Variants in SVOPL observed in about 807,000 individuals in gnomAD.
SVOPL encodes the protein putative transporter SVOPL.
Under a neutral mutation model 61.0 loss-of-function variants are expected in SVOPL, and 60 were observed. That is an observed-to-expected ratio of 0.98 (90% CI 0.80 to 1.22). The LOEUF is 1.22. Ranked by LOEUF, SVOPL falls within the 50% of genes most tolerant of loss-of-function variation. The pLI, the probability that SVOPL is intolerant of heterozygous loss-of-function variation, is 0.00. For missense variants in SVOPL, 662 were observed against 643.9 expected, an observed-to-expected ratio of 1.03 and a Z score of -0.30; for synonymous variants, 279 against 250.0, an observed-to-expected ratio of 1.12 and a Z score of -1.09.
In SVOPL at chr7:138,628,080, C is replaced by T. The variant is rs1173945976; in HGVS notation, c.1069+78G>A. On this transcript the variant is annotated intron_variant, in intron 11 of 15. Transcript: ENST00000674285. ...CTAGGCAGGAGCGGTGTCACAGGGTCACACTTCTCTCAGCTAAGACTCAAG... is the reference window on the plus strand; with the variant it reads ...CTAGGCAGGAGCGGTGTCACAGGGTTACACTTCTCTCAGCTAAGACTCAAG... 5 of 1,524,916 alleles carry T rather than the reference C, an allele frequency of 3.3e-6. No individual in the cohort carries two copies. In the African/African-American group the frequency reaches 5.5e-5, roughly 17 times the overall value. The allele number at this position is 1,524,916 out of a possible 1,614,324, so 94.5% of individuals were successfully genotyped here. A position where few individuals can be genotyped will look rare whatever the true frequency, so the allele number is the denominator to read the frequency against.
In SVOPL at chr7:138,626,712, G is replaced by A. The variant is rs141544010; in HGVS notation, c.1181+638C>T. Among the ~76,000 whole-genome samples, 1,069 of 152,134 alleles carry A rather than the reference G, an allele frequency of 7.0e-3. 10 individuals carry two copies. The highest frequency in any genetic ancestry group is 0.024 in the African/African-American group (1,011 of 41,522). On this transcript the variant is annotated intron_variant, in intron 12 of 15. Transcript: ENST00000674285. ...TTTTTTTCAATTGGCCCAGCATGGT[G>A]GTGTGTGCCTGTAGTCCTAGCTATT...
intron 14 of SVOPL, chr7:138,596,922 TTA>T: frequency 1.8e-6 from 2 of 1,088,912 alleles, no homozygotes; most frequent in Non-Finnish European, 2.2e-6. Flanking sequence ...CAAATATCCA[TTA>T]TCTCTTCAGT....
intron 14 of SVOPL, among the ~76,000 whole-genome samples, chr7:138,614,720 T>C (rs1799211497): frequency 6.6e-6 from 1 of 152,052 alleles, no homozygotes; most frequent in Non-Finnish European, 1.5e-5. Context: ...AAAGGGGTGA[T>C]AAGGTTGAAG....
chr7:138,661,145 A>G, intron 5 of SVOPL: 1 of 985,424 alleles, frequency 1.0e-6, no homozygotes, highest in Non-Finnish European at 1.2e-6. Flanking sequence ...TTCCTTTGAG[A>G]TTCCTCCATT....
At chr7:138,641,943 A>T (rs1055399962) in intron 9 of SVOPL, among the ~76,000 whole-genome samples, 3 of 149,922 alleles carry the variant, frequency 2.0e-5, no homozygotes, top group South Asian at 4.2e-4. Context: ...ACACACACAC[A>T]CACACACGTA....
chr7:138,686,559 TGGG>T (rs1187899572), intron 1 of SVOPL, among the ~76,000 whole-genome samples: 6 of 122,892 alleles, frequency 4.9e-5, no homozygotes, highest in African/African-American at 2.4e-4. Flanking sequence ...TTTTGTTTTT[TGGG>T]TTTTTTTTTT....
chr7:138,606,092 C>A (rs1798744569), intron 14 of SVOPL, among the ~76,000 whole-genome samples: 1 of 151,690 alleles, frequency 6.6e-6, no homozygotes, highest in African/African-American at 2.4e-5. Context: ...ACGGTAGGAG[C>A]CGGGAACACA....
chr7:138,655,737 TATTC>T (rs1801698565), intron 7 of SVOPL, among the ~76,000 whole-genome samples: 1 of 150,774 alleles, frequency 6.6e-6, no homozygotes, highest in African/African-American at 2.4e-5. Flanking sequence ...TATAGATATA[TATTC>T]ATTTATTACT....
At chr7:138,606,544 A>C (rs1464560237) in intron 14 of SVOPL, among the ~76,000 whole-genome samples, 1 of 152,018 alleles carries the variant, frequency 6.6e-6, no homozygotes, top group African/African-American at 2.4e-5. Context: ...AAGGGGAGGA[A>C]ATTTTTTCCC....
chr7:138,691,371 T>C (rs11769793), intron 1 of SVOPL, among the ~76,000 whole-genome samples: 4,644 of 143,992 alleles, frequency 0.032, 86 homozygotes, highest in Middle Eastern at 0.08. Flanking sequence ...TGTTTTATGA[T>C]GTCTCAGACC....
intron 1 of SVOPL, among the ~76,000 whole-genome samples, chr7:138,698,227 T>A (rs539954598): frequency 6.6e-6 from 1 of 152,228 alleles, no homozygotes; most frequent in African/African-American, 2.4e-5. Context: ...CTTACTCCAT[T>A]TCTTCTGCCT....
chr7:138,644,664 G>T, intron 9 of SVOPL, 53 bp downstream of exon 9: 1 of 1,598,028 alleles, frequency 6.3e-7, no homozygotes, highest in Non-Finnish European at 8.5e-7. Flanking sequence ...CAACTGAGGG[G>T]ATTTCCCAGT....
chr7:138,678,085 T>A (rs1802613165), intron 3 of SVOPL, among the ~76,000 whole-genome samples: 1 of 152,130 alleles, frequency 6.6e-6, no homozygotes, highest in Admixed American at 6.6e-5. Flanking sequence ...TATCTTAACT[T>A]GAACATCTCC....
chr7:138,597,268 GTAT>G (rs1345524375), intron 14 of SVOPL: 12 of 1,264,470 alleles, frequency 9.5e-6, no homozygotes, highest in Non-Finnish European at 9.3e-6. Context: ...ACAGAATAAT[GTAT>G]TATAATTTAG....
At chr7:138,676,920 T>G (rs1268938860) in intron 3 of SVOPL, among the ~76,000 whole-genome samples, 2 of 129,090 alleles carry the variant, frequency 1.5e-5, no homozygotes, top group African/African-American at 6.1e-5. Context: ...TTTTTTTTTT[T>G]TGAGATGAAG....
At chr7:138,637,481 GAT>G (rs1232350747) in intron 9 of SVOPL, among the ~76,000 whole-genome samples, 118 of 41,342 alleles carry the variant, frequency 2.9e-3, no homozygotes, top group African/African-American at 4.4e-3. Context: ...TATAGATATA[GAT>G]ATAGATAGAT....
At chr7:138,631,224 T>G (rs560957392) in intron 9 of SVOPL, among the ~76,000 whole-genome samples, 62 of 152,238 alleles carry the variant, frequency 4.1e-4, no homozygotes, top group Middle Eastern at 3.4e-3. Context: ...GGGCACGTAG[T>G]AGGTATGTCT....
intron 14 of SVOPL, chr7:138,597,094 G>A: frequency 8.0e-7 from 1 of 1,250,606 alleles, no homozygotes; most frequent in Non-Finnish European, 1.0e-6. Flanking sequence ...CTGTCCATCT[G>A]TACACATGCT....
At chr7:138,685,662 C>T (rs1359632981) in intron 1 of SVOPL, among the ~76,000 whole-genome samples, 1 of 151,952 alleles carries the variant, frequency 6.6e-6, no homozygotes, top group African/African-American at 2.4e-5. Context: ...GAATTTGAGA[C>T]CAGCCTGGCC....
Sources: gnomAD v4.1 joint callset for allele counts (sites outside exome capture counted in the v4.1 genomes callset) on GRCh38, gnomAD v4.1.1 for gene constraint, MANE v1.5 for transcripts, NCBI Gene and HGNC (gene_info 2026-07-23, HGNC 2026-07-21) for gene names.